Variants in INPP5F observed in about 807,000 individuals in gnomAD.
The protein encoded by INPP5F is inositol polyphosphate-5-phosphatase F.
In INPP5F, 97 loss-of-function variants were observed where a neutral mutation model predicts 137.2. The ratio of observed to expected loss-of-function variants is 0.71; its 90% confidence interval spans 0.60 to 0.84. The LOEUF (loss-of-function observed/expected upper bound fraction) is 0.84, where lower values mean the gene tolerates loss of function less well. Ranked by LOEUF, INPP5F falls within the 40% of genes least tolerant of loss-of-function variation. INPP5F has a pLI of 0.00. For synonymous variants in INPP5F, 504 were observed against 476.9 expected, an observed-to-expected ratio of 1.06 and a Z score of -0.74; for missense variants, 1,271 against 1,371.9, an observed-to-expected ratio of 0.93 and a Z score of 1.16.
chr10:119,726,604 C>T (rs1157373255), intron 1 of INPP5F, among the ~76,000 whole-genome samples: 2 of 152,236 alleles, frequency 1.3e-5, no homozygotes, highest in Non-Finnish European at 2.9e-5. Context: ...GTCCTTCCCA[C>T]CGCGTCACGC....
At chr10:119,798,786 CTTTTTTTTT>C (rs374141329) in intron 9 of INPP5F, among the ~76,000 whole-genome samples, 176 bp downstream of exon 9, 7 of 100,692 alleles carry the variant, frequency 7.0e-5, no homozygotes, top group African/African-American at 2.5e-4. Flanking sequence ...GAGTCAGCTA[CTTTTTTTTT>C]TTTTTTTTTT....
chr10:119,765,880 T>TATATATAGAG (rs1428376432), intron 2 of INPP5F, among the ~76,000 whole-genome samples: 2 of 144,280 alleles, frequency 1.4e-5, no homozygotes, highest in African/African-American at 5.1e-5. Context: ...TATATATATA[T>TATATATAGAG]AGAGAGAGAG....
In INPP5F at chr10:119,827,005, T is replaced by A. The variant is rs146222455; in HGVS notation, c.2624T>A (p.Leu875Gln). 1.4e-4 allele frequency: 226 copies of A among 1,614,166 alleles called. 4 individuals carry two copies. The East Asian group carries it at 5.0e-3, about 36-fold the overall frequency. Residue 875 changes from leucine to glutamine, a missense_variant, in exon 20 of 20, where the codon CTA becomes CAA. Leu to Gln is a moderately radical substitution (Grantham distance 113, BLOSUM62 -2). This residue lies in a region of INPP5F where 490 missense variants were observed against 443.7 expected (regional missense o/e 1.10). Coordinates refer to ENST00000650623, the MANE Select transcript of INPP5F (RefSeq NM_014937.4). Reference sequence around the variant, plus strand: ...TCTAAGTCTGATGAAGACAGGCAGCTAGCTAACTCATTAGAGAGTGTAGGG... The same window carrying A: ...TCTAAGTCTGATGAAGACAGGCAGCAAGCTAACTCATTAGAGAGTGTAGGG... ...TNSKSDEDRQLANSLESVGPI... is the reference protein window; with the variant it reads ...TNSKSDEDRQQANSLESVGPI...
intron 7 of INPP5F, among the ~76,000 whole-genome samples, chr10:119,797,243 C>T (rs903447206): frequency 5.9e-5 from 9 of 152,144 alleles, no homozygotes; most frequent in African/African-American, 1.9e-4. Context: ...TTGGGAAGAC[C>T]TTTCTCTTTC....
At chr10:119,730,559 A>T (rs1848027287) in intron 1 of INPP5F, among the ~76,000 whole-genome samples, 1 of 152,182 alleles carries the variant, frequency 6.6e-6, no homozygotes, top group African/African-American at 2.4e-5. Context: ...GGGAATGCTG[A>T]TATGGTCTTA....
chr10:119,745,653 T>C (rs960611764), intron 1 of INPP5F, among the ~76,000 whole-genome samples: 11 of 151,838 alleles, frequency 7.2e-5, no homozygotes, highest in African/African-American at 1.7e-4. Context: ...ATTTTACTTA[T>C]GTTATTATCT....
At chr10:119,750,539 T>G (rs1391991209) in intron 1 of INPP5F, among the ~76,000 whole-genome samples, 1 of 152,250 alleles carries the variant, frequency 6.6e-6, no homozygotes, top group Non-Finnish European at 1.5e-5. Context: ...GAACCCTGAT[T>G]GAGATGCCTG....
At chr10:119,753,671 G>A (rs1339322017) in intron 2 of INPP5F, among the ~76,000 whole-genome samples, 2 of 152,146 alleles carry the variant, frequency 1.3e-5, no homozygotes, top group Non-Finnish European at 2.9e-5. Context: ...GTGTTCAAGG[G>A]CCTGTATGTC....
chr10:119,738,023 T>C (rs1000144646), intron 1 of INPP5F, among the ~76,000 whole-genome samples: 1 of 152,220 alleles, frequency 6.6e-6, no homozygotes, highest in African/African-American at 2.4e-5. Context: ...GAGTGACTCA[T>C]GCTCTGTGCA....
chr10:119,767,546 A>G (rs1025991160), intron 2 of INPP5F, among the ~76,000 whole-genome samples: 1 of 152,270 alleles, frequency 6.6e-6, no homozygotes, highest in African/African-American at 2.4e-5. Flanking sequence ...ACAAATAGTA[A>G]GATGATAGTT....
At position 119,785,535 on chromosome 10, in the gene INPP5F, C is replaced by CGAGAGAGAGAGAGAGAGAGA. The variant is rs59804262; in HGVS notation, c.315+3789_315+3808dup. Among the ~76,000 whole-genome samples the CGAGAGAGAGAGAGAGAGAGA allele has an allele frequency of 5.9e-3, 549 of 93,594 alleles. 49 individuals carry two copies. The highest frequency in any genetic ancestry group is 7.8e-3 in the Non-Finnish European group (357 of 45,930). The allele number at this position is 93,594 out of a possible 152,430, so 61.4% of individuals were successfully genotyped here. On this transcript the variant is annotated intron_variant, in intron 3 of 19. Coordinates refer to ENST00000650623, the MANE Select transcript of INPP5F (RefSeq NM_014937.4). Reference sequence around the variant, plus strand: ...TGATCTCCTGACCTTGTGATCCGCTCGAGAGAGAGAGAGAGAGAGAGAGAG... The same window carrying CGAGAGAGAGAGAGAGAGAGA: ...TGATCTCCTGACCTTGTGATCCGCTCGAGAGAGAGAGAGAGAGAGAGAGAGAGAGAGAGAGAGAGAGAGAG...
chr10:119,811,478 T>C (rs548238717), intron 14 of INPP5F, among the ~76,000 whole-genome samples: 1 of 152,240 alleles, frequency 6.6e-6, no homozygotes, highest in African/African-American at 2.4e-5. Context: ...TTGTAAATAT[T>C]TTCTCCTGTT....
chr10:119,735,201 C>T (rs1848185465), intron 1 of INPP5F, among the ~76,000 whole-genome samples: 1 of 152,212 alleles, frequency 6.6e-6, no homozygotes, highest in African/African-American at 2.4e-5. Context: ...ATAGCATCCA[C>T]ACATTCTTTC....
chr10:119,781,614 A>C (rs764587834), intron 2 of INPP5F, 21 bp from the exon 3 acceptor site: 1 of 1,593,508 alleles, frequency 6.3e-7, no homozygotes, highest in South Asian at 1.1e-5. Flanking sequence ...GCCAGACTTT[A>C]TTATGACTCT....
chr10:119,827,442 A>C lies in INPP5F; in HGVS notation c.3061A>C (p.Thr1021Pro). 1 of 1,614,230 alleles carries C rather than the reference A, an allele frequency of 6.2e-7. No homozygotes were observed. The highest frequency in any genetic ancestry group is 8.5e-7 in the Non-Finnish European group (1 of 1,180,048). Residue 1021 changes from threonine (T) to proline (P), a missense_variant, in exon 20 of 20, where the codon ACA becomes CCA. By Grantham distance (38) the Thr-to-Pro change is conservative. Coordinates refer to ENST00000650623, the MANE Select transcript of INPP5F (RefSeq NM_014937.4). The part of the protein sequence containing the change: ...PSQLDVSLSA[T>P]GPQFLSVEPA... The stretch of plus-strand genomic sequence containing the variant: ...GCAATTAGATGTCTCTCTTTCTGCA[A>C]CAGGCCCACAGTTTTTGTCAGTTGA...
chr10:119,763,006 A>G (rs1849051581), intron 2 of INPP5F, among the ~76,000 whole-genome samples: 1 of 152,236 alleles, frequency 6.6e-6, no homozygotes, highest in African/African-American at 2.4e-5. Flanking sequence ...ATTCATCCTG[A>G]GGCAAATTGC....
intron 3 of INPP5F, among the ~76,000 whole-genome samples, chr10:119,784,646 C>G (rs1284266366): frequency 6.6e-6 from 1 of 152,160 alleles, no homozygotes; most frequent in African/African-American, 2.4e-5. Flanking sequence ...CCTCTGTTGT[C>G]TTTTTATCGC....
chr10:119,771,883 T>TATACATA (rs1491430102), intron 2 of INPP5F, among the ~76,000 whole-genome samples: 1 of 20,066 alleles, frequency 5.0e-5, no homozygotes, highest in Non-Finnish European at 8.0e-5. Flanking sequence ...TATATATATA[T>TATACATA]TTTTTTTTTT....
chr10:119,784,944 G>GA (rs1849830383), intron 3 of INPP5F, among the ~76,000 whole-genome samples: 1 of 152,164 alleles, frequency 6.6e-6, no homozygotes, highest in South Asian at 2.1e-4. Flanking sequence ...ACATCTCATA[G>GA]AAACGGAATA....
Sources: gnomAD v4.1 joint callset for allele counts (sites outside exome capture counted in the v4.1 genomes callset) on GRCh38, gnomAD v4.1.1 for gene constraint, gnomAD v4.1.1 regional missense constraint, MANE v1.5 for transcripts, NCBI Gene and HGNC (gene_info 2026-07-23, HGNC 2026-07-21) for gene names.